The following TRIM2 variants were observed in gnomAD, a reference collection of about 807,000 sequenced individuals.
TRIM2 encodes the protein tripartite motif-containing protein 2.
Under a neutral mutation model 75.2 loss-of-function variants are expected in TRIM2, and 20 were observed. The ratio of observed to expected loss-of-function variants is 0.27; its 90% CI spans 0.19 to 0.39. TRIM2 has a LOEUF of 0.39. Among genes scored for constraint, TRIM2 ranks in the 10% least tolerant of loss-of-function variants. TRIM2 has a pLI of 1.00. For synonymous variants in TRIM2, 373 were observed against 388.3 expected, an observed-to-expected ratio of 0.96 and a Z score of 0.46; for missense variants, 660 against 990.8, an observed-to-expected ratio of 0.67 and a Z score of 4.48.
intron 1 of TRIM2, among the ~76,000 whole-genome samples, chr4:153,177,457 C>A (rs866531267): frequency 4.6e-5 from 7 of 152,044 alleles, no homozygotes; most frequent in African/African-American, 1.7e-4. Flanking sequence ...ACCAGCCTGG[C>A]CAACATGGTG....
intron 3 of TRIM2, among the ~76,000 whole-genome samples, chr4:153,285,323 T>G (rs986439869): frequency 2.0e-5 from 3 of 152,226 alleles, no homozygotes; most frequent in Non-Finnish European, 2.9e-5. Context: ...TACTACATTG[T>G]TTTGATTACT....
chr4:153,278,518 G>T (rs780397728), intron 3 of TRIM2, among the ~76,000 whole-genome samples: 5 of 152,160 alleles, frequency 3.3e-5, no homozygotes, highest in Admixed American at 3.3e-4. Context: ...GTTTCTAAGG[G>T]CCAGACATGG....
intron 1 of TRIM2, among the ~76,000 whole-genome samples, chr4:153,159,544 G>A (rs1413445955): frequency 2.0e-5 from 3 of 151,882 alleles, no homozygotes; most frequent in Non-Finnish European, 2.9e-5. Context: ...GGGCTCAAGC[G>A]ATCCTCCAGC....
chr4:153,257,195 GCA>G (rs2149960570), intron 1 of TRIM2, among the ~76,000 whole-genome samples: 1 of 152,330 alleles, frequency 6.6e-6, no homozygotes, highest in East Asian at 1.9e-4. Context: ...CACGGAGACT[GCA>G]CTGGTCGCCT....
At chr4:153,265,300 G>A (rs868749776) in intron 1 of TRIM2, among the ~76,000 whole-genome samples, 2 of 151,284 alleles carry the variant, frequency 1.3e-5, no homozygotes, top group Non-Finnish European at 2.9e-5. Flanking sequence ...AACTGATTTC[G>A]ACGGAAAAGT....
At chr4:153,222,026 G>C (rs532991578) in intron 1 of TRIM2, among the ~76,000 whole-genome samples, 1 of 136,680 alleles carries the variant, frequency 7.3e-6, no homozygotes. Context: ...AAAGAGCAAG[G>C]AAGGAAGGAA....
chr4:153,164,792 T>C (rs1413059870), intron 1 of TRIM2, among the ~76,000 whole-genome samples: 1 of 152,254 alleles, frequency 6.6e-6, no homozygotes, highest in East Asian at 1.9e-4. Flanking sequence ...TCCTTTCTTA[T>C]GACTTACTTA....
intron 1 of TRIM2, among the ~76,000 whole-genome samples, chr4:153,209,394 G>A (rs76594449): frequency 0.014 from 2,105 of 152,240 alleles, 40 homozygotes; most frequent in African/African-American, 0.048. Flanking sequence ...CTCCCTAGAG[G>A]GGCCCTGGGA....
chr4:153,189,301 GT>G (rs1732942940), intron 1 of TRIM2, among the ~76,000 whole-genome samples: 1 of 152,238 alleles, frequency 6.6e-6, no homozygotes, highest in Non-Finnish European at 1.5e-5. Flanking sequence ...AGTTTCCCTG[GT>G]GGATGAGATT....
At chr4:153,330,390 G>A (rs1024422670) in intron 11 of TRIM2, among the ~76,000 whole-genome samples, 5 of 152,090 alleles carry the variant, frequency 3.3e-5, no homozygotes, top group Non-Finnish European at 7.4e-5. Flanking sequence ...TATTCCTCCT[G>A]TGTGTAAAAA....
intron 11 of TRIM2, among the ~76,000 whole-genome samples, chr4:153,331,116 G>A (rs1379571593): frequency 6.6e-6 from 1 of 152,156 alleles, no homozygotes; most frequent in Non-Finnish European, 1.5e-5. Flanking sequence ...GAGGCCAGGA[G>A]TTTGAGACTA....
intron 1 of TRIM2, among the ~76,000 whole-genome samples, chr4:153,267,682 A>C (rs1348510616): frequency 7.2e-5 from 11 of 152,192 alleles, no homozygotes; most frequent in Admixed American, 7.2e-4. Flanking sequence ...AGAATAAAGA[A>C]TAATAGTATG....
intron 1 of TRIM2, among the ~76,000 whole-genome samples, chr4:153,218,051 G>T (rs992546216): frequency 2.6e-5 from 4 of 152,236 alleles, no homozygotes; most frequent in Middle Eastern, 3.4e-3. Context: ...TTCATGCATT[G>T]CTAATGAGAA....
At chr4:153,180,075 T>G (rs1009941247) in intron 1 of TRIM2, among the ~76,000 whole-genome samples, 1 of 152,240 alleles carries the variant, frequency 6.6e-6, no homozygotes, top group Non-Finnish European at 1.5e-5. Context: ...ACCTTCCATA[T>G]GCAACCCGCA....
intron 1 of TRIM2, among the ~76,000 whole-genome samples, chr4:153,242,912 C>T (rs1387049679): frequency 1.3e-5 from 2 of 152,232 alleles, no homozygotes; most frequent in African/African-American, 4.8e-5. Flanking sequence ...GATATCTCCA[C>T]TGAGCACCAG....
intron 1 of TRIM2, among the ~76,000 whole-genome samples, chr4:153,190,810 T>C (rs1209681636): frequency 6.6e-6 from 1 of 152,206 alleles, no homozygotes; most frequent in African/African-American, 2.4e-5. Context: ...CGATTTCAGC[T>C]CACTGCAACC....
upstream of TRIM2, among the ~76,000 whole-genome samples, chr4:153,203,583 G>C (rs1734682937): frequency 8.2e-6 from 1 of 121,896 alleles, no homozygotes; most frequent in Non-Finnish European, 1.6e-5. Flanking sequence ...GCAAGACTCT[G>C]TCTCAAAAAA....
intron 1 of TRIM2, among the ~76,000 whole-genome samples, chr4:153,208,967 G>A (rs965954768): frequency 2.9e-4 from 44 of 152,314 alleles, no homozygotes; most frequent in South Asian, 4.1e-4. Context: ...AAATGTGTTC[G>A]TTCAGAAGAT....
chr4:153,254,330 T>C (rs28634941), intron 1 of TRIM2, among the ~76,000 whole-genome samples: 48,865 of 152,116 alleles, frequency 0.32, 8,135 homozygotes, highest in African/African-American at 0.4. Flanking sequence ...GCATAGGCAC[T>C]GTCTGTATAC....
Sources: gnomAD v4.1 joint callset for allele counts (sites outside exome capture counted in the v4.1 genomes callset) on GRCh38, gnomAD v4.1.1 for gene constraint, MANE v1.5 for transcripts, NCBI Gene and HGNC (gene_info 2026-07-23, HGNC 2026-07-21) for gene names.